Variants in ANO2 observed in about 807,000 individuals in gnomAD.
The protein encoded by ANO2 is anoctamin-2.
ANO2 carries 101 observed loss-of-function variants against 124.2 expected under a neutral mutation model. That is an observed-to-expected ratio of 0.81 (90% CI 0.69 to 0.96). ANO2 has a LOEUF of 0.96. Among genes scored for constraint, ANO2 ranks in the 40% least tolerant of loss-of-function variants. ANO2 has a pLI of 0.00. For synonymous variants in ANO2, 486 were observed against 482.5 expected (o/e 1.01, Z -0.09); for missense variants, 1,293 against 1,274.5 (o/e 1.01, Z -0.22).
At chr12:5,767,359 A>C (rs915183995) in intron 10 of ANO2, among the ~76,000 whole-genome samples, 13 of 152,196 alleles carry the variant, frequency 8.5e-5, no homozygotes, top group African/African-American at 3.1e-4. Flanking sequence ...AGACAGCAAA[A>C]GTCTCTCCTT....
chr12:5,811,199 T>C (rs1384919454), intron 7 of ANO2, among the ~76,000 whole-genome samples: 1 of 152,178 alleles, frequency 6.6e-6, no homozygotes, highest in Non-Finnish European at 1.5e-5. Context: ...TTGGTTTTGA[T>C]TCTCCCCAGA....
At chr12:5,819,547 T>C (rs4930756) in intron 7 of ANO2, among the ~76,000 whole-genome samples, 137,068 of 152,144 alleles carry the variant, frequency 0.9, 62,258 homozygotes, top group East Asian at 1. Flanking sequence ...CCCACTGTGG[T>C]GAGCTGAAAA....
At chr12:5,632,895 C>T (rs567726095) in intron 16 of ANO2, among the ~76,000 whole-genome samples, 1 of 152,258 alleles carries the variant, frequency 6.6e-6, no homozygotes, top group East Asian at 1.9e-4. Flanking sequence ...CTCAGCAATA[C>T]CCTTTACATT....
intron 10 of ANO2, among the ~76,000 whole-genome samples, chr12:5,757,902 G>A (rs1001389214): frequency 9.2e-5 from 14 of 152,172 alleles, no homozygotes; most frequent in Non-Finnish European, 2.1e-4. Context: ...GCATGACAGA[G>A]TGTAATAACT....
intron 3 of ANO2, among the ~76,000 whole-genome samples, chr12:5,909,365 T>C (rs192753562): frequency 6.6e-5 from 10 of 152,360 alleles, no homozygotes; most frequent in African/African-American, 2.4e-4. Context: ...CATGTTACTT[T>C]TTAGTAAATT....
intron 19 of ANO2, among the ~76,000 whole-genome samples, chr12:5,610,989 TGAGACAGAGTC>T (rs1441920631): frequency 1.8e-4 from 25 of 141,576 alleles, no homozygotes; most frequent in East Asian, 9.8e-4. Flanking sequence ...TTTTTTTTTT[TGAGACAGAGTC>T]TTGCTCTGTT....
chr12:5,806,217 G>C, intron 8 of ANO2, 124 bp from the exon 9 acceptor site: 1 of 989,570 alleles, frequency 1.0e-6, no homozygotes, highest in Non-Finnish European at 1.5e-6. Context: ...ATTTAAGGAA[G>C]GTCAAAAGCA....
In ANO2 at chr12:5,717,102, C is replaced by A. The variant is rs139590049; in HGVS notation, c.1545+15418G>T. On this transcript the variant is annotated intron_variant, in intron 14 of 24. Coordinates refer to ENST00000682330, the MANE Select transcript of ANO2 (RefSeq NM_001364791.2). Reference sequence around the variant, plus strand: ...TGACTGGTAAAGCAAACCATCCCACCGCAAAGGCCAGCATTCAGCTCAGGC... The same window carrying A: ...TGACTGGTAAAGCAAACCATCCCACAGCAAAGGCCAGCATTCAGCTCAGGC... Among the ~76,000 whole-genome samples the A allele has an allele frequency of 2.3e-3, 348 of 152,326 alleles. 2 individuals are homozygous for A. Among genetic ancestry groups the A allele is most frequent in the African/African-American group, 7.7e-3 (319 of 41,574 alleles).
At chr12:5,644,975 T>G (rs777840226) in intron 15 of ANO2, among the ~76,000 whole-genome samples, 2 of 152,210 alleles carry the variant, frequency 1.3e-5, no homozygotes, top group Non-Finnish European at 2.9e-5. Context: ...GATTTAAGGC[T>G]GCTTTTGAGA....
chr12:5,905,198 C>T (rs1046395124), intron 3 of ANO2, among the ~76,000 whole-genome samples: 9 of 152,136 alleles, frequency 5.9e-5, no homozygotes, highest in Non-Finnish European at 7.4e-5. Context: ...GGTGCTGTTG[C>T]GTGTTAGGGC....
chr12:5,621,118 C>A (rs1271825824), intron 16 of ANO2, among the ~76,000 whole-genome samples: 1 of 152,062 alleles, frequency 6.6e-6, no homozygotes, highest in Non-Finnish European at 1.5e-5. Context: ...CACTCTGCAC[C>A]CTCATGTGAC....
chr12:5,777,378 A>G (rs916339099), intron 10 of ANO2, among the ~76,000 whole-genome samples: 1 of 152,044 alleles, frequency 6.6e-6, no homozygotes, highest in Non-Finnish European at 1.5e-5. Flanking sequence ...AGAGAAAGAG[A>G]CAAGGTCATT....
intron 3 of ANO2, among the ~76,000 whole-genome samples, chr12:5,912,110 G>A (rs567958968): frequency 6.7e-4 from 102 of 152,314 alleles, no homozygotes; most frequent in Non-Finnish European, 1.0e-3. Flanking sequence ...GAAGCACCCT[G>A]TCAGTTGGTA....
At chr12:5,647,822 A>G (rs1246907209) in intron 14 of ANO2, 21 bp from the exon 15 acceptor site, 2 of 1,577,876 alleles carry the variant, frequency 1.3e-6, no homozygotes, top group Admixed American at 1.7e-5. Context: ...ACGGGAGAGT[A>G]GAGACAATCA....
In ANO2 at chr12:5,832,432, C is replaced by CCAG. The variant is rs745386410; in HGVS notation, c.785+17_785+19dup. 1.2e-6 allele frequency: 2 copies of CCAG among 1,613,618 alleles called. No individual in the cohort carries two copies. Among genetic ancestry groups the CCAG allele is most frequent in the South Asian group, 2.2e-5 (2 of 91,000 alleles). ...TCCTATCCCTTCCCACATCTCTGCT[C>CCAG]CAGCAGCTTCAATACTCACAGGTAC... On this transcript the variant is annotated intron_variant, in intron 5 of 24. Transcript: ENST00000682330.
intron 4 of ANO2, among the ~76,000 whole-genome samples, chr12:5,849,292 A>C (rs569056111): frequency 1.3e-5 from 2 of 152,344 alleles, no homozygotes; most frequent in East Asian, 3.9e-4. Flanking sequence ...GTCGTCCCTA[A>C]TAGCCTGCAT....
intron 3 of ANO2, among the ~76,000 whole-genome samples, chr12:5,878,888 G>A (rs1279052226): frequency 6.6e-6 from 1 of 152,158 alleles, no homozygotes; most frequent in East Asian, 1.9e-4. Context: ...ATGGAGCAGG[G>A]AACAAACGCA....
chr12:5,637,413 A>C (rs1338626985), intron 15 of ANO2, among the ~76,000 whole-genome samples: 1 of 151,928 alleles, frequency 6.6e-6, no homozygotes, highest in Admixed American at 6.6e-5. Flanking sequence ...GGGAAAAAAA[A>C]CAATGGCAAA....
chr12:5,603,147 A>G (rs935612808), intron 19 of ANO2, among the ~76,000 whole-genome samples: 1 of 152,226 alleles, frequency 6.6e-6, no homozygotes, highest in African/African-American at 2.4e-5. Context: ...ATAGCTCTAT[A>G]GAAGGTTTAG....
Sources: gnomAD v4.1 joint callset for allele counts (sites outside exome capture counted in the v4.1 genomes callset) on GRCh38, gnomAD v4.1.1 for gene constraint, MANE v1.5 for transcripts, NCBI Gene and HGNC (gene_info 2026-07-23, HGNC 2026-07-21) for gene names.